The following TEK variants were observed in gnomAD, a reference collection of about 807,000 sequenced individuals.
TEK encodes the protein TEK receptor tyrosine kinase.
In TEK, 43 loss-of-function variants were observed where a neutral mutation model predicts 131.8. The observed-to-expected ratio is 0.33, with a 90% CI of 0.26 to 0.42. The LOEUF (loss-of-function observed/expected upper bound fraction) is 0.42, where lower values mean the gene tolerates loss of function less well. TEK is among the 10% of genes least tolerant of loss of function. The pLI, the probability that TEK is intolerant of heterozygous loss-of-function variation, is 1.00. For synonymous variants in TEK, 580 were observed against 491.6 expected (o/e 1.18, Z -2.38); for missense variants, 1,162 against 1,384.4 (o/e 0.84, Z 2.55).
intron 6 of TEK, 79 bp from the exon 7 acceptor site, chr9:27,180,161 A>C: frequency 6.3e-7 from 1 of 1,598,910 alleles, no homozygotes. Context: ...TAGAGAGAAA[A>C]ATAAAACTAA....
chr9:27,143,282 C>T (rs539605712), intron 1 of TEK, among the ~76,000 whole-genome samples: 4 of 152,266 alleles, frequency 2.6e-5, no homozygotes, highest in South Asian at 2.1e-4. Flanking sequence ...TCAACAGAGA[C>T]GGAGCTGGGA....
At chr9:27,154,199 G>C (rs1450246630) in intron 1 of TEK, among the ~76,000 whole-genome samples, 1 of 151,304 alleles carries the variant, frequency 6.6e-6, no homozygotes, top group African/African-American at 2.4e-5. Flanking sequence ...TAAGTTCTTG[G>C]ATACATGTGC....
chr9:27,110,494 A>G (rs956471405), intron 1 of TEK, among the ~76,000 whole-genome samples: 1 of 152,160 alleles, frequency 6.6e-6, no homozygotes, highest in African/African-American at 2.4e-5. Context: ...TCACAAATAC[A>G]TTTATCATTG....
intron 21 of TEK, among the ~76,000 whole-genome samples, chr9:27,221,822 G>A (rs1194936860): frequency 6.6e-6 from 1 of 152,152 alleles, no homozygotes; most frequent in Non-Finnish European, 1.5e-5. Flanking sequence ...CCAAAAACCA[G>A]AATGCCTCTC....
chr9:27,192,726 G>C lies in TEK; in HGVS notation c.1624+103G>C. On this transcript the variant is annotated intron_variant, in intron 11 of 22. Coordinates refer to ENST00000380036, the MANE Select transcript of TEK (RefSeq NM_000459.5). ...AAGGGTGGTGGTGGGTGAGTGGGTG[G>C]GTGGGGATGGAGGTGGCAGGAGTTC... is the stretch of plus-strand genomic sequence containing the variant. 4 of 949,182 alleles carry C rather than the reference G, an allele frequency of 4.2e-6. 1 individual carries two copies. Among genetic ancestry groups the C allele is most frequent in the Non-Finnish European group, 6.4e-6 (4 of 624,258 alleles). The allele number at this position is 949,182 out of a possible 1,614,324, so 58.8% of individuals were successfully genotyped here.
At chr9:27,187,351 C>G (rs1372035369) in intron 9 of TEK, among the ~76,000 whole-genome samples, 1 of 152,174 alleles carries the variant, frequency 6.6e-6, no homozygotes, top group East Asian at 1.9e-4. Flanking sequence ...GGCTTTAACA[C>G]CAGTGTACAG....
chr9:27,183,796 G>C (rs1038438303), intron 8 of TEK, among the ~76,000 whole-genome samples, 186 bp downstream of exon 8: 11 of 152,184 alleles, frequency 7.2e-5, no homozygotes. Flanking sequence ...GATTTCTTCT[G>C]TTGGCCAGTA....
intron 21 of TEK, among the ~76,000 whole-genome samples, chr9:27,221,854 C>G (rs1826097444): frequency 6.6e-6 from 1 of 152,200 alleles, no homozygotes; most frequent in Non-Finnish European, 1.5e-5. Context: ...GATCACAACT[C>G]CTTGCCAGCA....
At chr9:27,192,060 G>C (rs1402625340) in intron 10 of TEK, 4 of 411,044 alleles carry the variant, frequency 9.7e-6, no homozygotes, top group Non-Finnish European at 1.9e-5. Flanking sequence ...TTGCAAATCA[G>C]TTTTCTGGTC....
chr9:27,214,225 C>T (rs1825736972), intron 18 of TEK, among the ~76,000 whole-genome samples: 1 of 152,226 alleles, frequency 6.6e-6, no homozygotes, highest in Non-Finnish European at 1.5e-5. Flanking sequence ...AGTCTAGAAT[C>T]ACATAGTCCT....
intron 16 of TEK, among the ~76,000 whole-genome samples, chr9:27,211,045 C>T (rs1165584360): frequency 6.6e-6 from 1 of 151,816 alleles, no homozygotes; most frequent in Non-Finnish European, 1.5e-5. Flanking sequence ...TCGCTTGAAC[C>T]TGGGAGGCGG....
intron 21 of TEK, among the ~76,000 whole-genome samples, chr9:27,221,548 G>T (rs904831798): frequency 1.3e-5 from 2 of 152,166 alleles, no homozygotes; most frequent in African/African-American, 2.4e-5. Context: ...CATCTGGCAG[G>T]TGCCCCTCTG....
At chr9:27,111,100 C>G (rs1050643380) in intron 1 of TEK, among the ~76,000 whole-genome samples, 8 of 152,118 alleles carry the variant, frequency 5.3e-5, no homozygotes, top group African/African-American at 1.9e-4. Flanking sequence ...TGTTATAGCA[C>G]TTTGCAATAC....
At chr9:27,119,805 A>T (rs590310) in intron 1 of TEK, among the ~76,000 whole-genome samples, 101,155 of 151,788 alleles carry the variant, frequency 0.67, 34,079 homozygotes, top group East Asian at 0.92. Flanking sequence ...TTTCTTGACA[A>T]TTTTTTTACT....
chr9:27,138,016 C>T (rs1417014934), intron 1 of TEK, among the ~76,000 whole-genome samples: 3 of 152,108 alleles, frequency 2.0e-5, no homozygotes, highest in African/African-American at 7.2e-5. Flanking sequence ...AGCCGCAAAC[C>T]TTCCCAGTGA....
intron 5 of TEK, 137 bp from the exon 6 acceptor site, chr9:27,173,085 T>C: frequency 8.8e-7 from 1 of 1,141,146 alleles, no homozygotes; most frequent in Non-Finnish European, 1.3e-6. Flanking sequence ...CATAAGGGTA[T>C]GTTCATCCTA....
At position 27,113,220 on chromosome 9, in the gene TEK, C is replaced by T. The variant is rs568174595; in HGVS notation, c.52+3578C>T. ...TTTCTCATCTTTTATGGATGAAATA[C>T]CCATTTTCCAGGGTTGTGATGAGAA... On this transcript the variant is annotated intron_variant, in intron 1 of 22. Coordinates refer to ENST00000380036, the MANE Select transcript of TEK (RefSeq NM_000459.5). 2.6e-5 allele frequency among the ~76,000 whole-genome samples: 4 copies of T among 152,234 alleles called. No individual in the cohort carries two copies. The South Asian group carries it at 8.3e-4, about 32-fold the overall frequency.
At chr9:27,211,275 A>AGG (rs1469448252) in intron 16 of TEK, among the ~76,000 whole-genome samples, 2 of 144,080 alleles carry the variant, frequency 1.4e-5, no homozygotes, top group African/African-American at 4.9e-5. Context: ...ATCTTTATTA[A>AGG]TAAATACATA....
chr9:27,178,013 AG>A (rs1162951631), intron 6 of TEK, among the ~76,000 whole-genome samples: 2 of 152,036 alleles, frequency 1.3e-5, no homozygotes, highest in Non-Finnish European at 2.9e-5. Context: ...TGTGCTTTTG[AG>A]GTCATATCCA....
Sources: allele counts gnomAD v4.1 joint callset (sites outside exome capture counted in the v4.1 genomes callset), GRCh38; gene constraint gnomAD v4.1.1; transcripts MANE v1.5; gene names NCBI Gene and HGNC (gene_info 2026-07-23, HGNC 2026-07-21).